MYO9A: variants seen among roughly 807,000 people sequenced by gnomAD.
The protein encoded by MYO9A is myosin IXA, also known as unconventional myosin-IXa.
Under a neutral mutation model 293.3 loss-of-function variants are expected in MYO9A, and 103 were observed. The observed-to-expected ratio is 0.35, with a 90% CI of 0.30 to 0.41. The LOEUF (loss-of-function observed/expected upper bound fraction) is 0.41, where lower values mean the gene tolerates loss of function less well. Ranked by LOEUF, MYO9A falls within the 10% of genes least tolerant of loss-of-function variation. MYO9A has a pLI of 1.00. For synonymous variants in MYO9A, 1,001 were observed against 1,035.7 expected (o/e 0.97, Z 0.64); for missense variants, 2,685 against 3,033.0 (o/e 0.89, Z 2.69).
At chr15:71,856,573 C>A (rs575492690) in intron 34 of MYO9A, among the ~76,000 whole-genome samples, 1 of 152,142 alleles carries the variant, frequency 6.6e-6, no homozygotes, top group African/African-American at 2.4e-5. Context: ...AAAGTGGCTA[C>A]GGAAATGAAG....
intron 4 of MYO9A, among the ~76,000 whole-genome samples, chr15:72,023,491 G>T (rs747803616): frequency 6.6e-6 from 1 of 151,936 alleles, no homozygotes; most frequent in Non-Finnish European, 1.5e-5. Context: ...TCAGGAGTTC[G>T]AGGCCAGCCT....
Position 71,878,245 on chromosome 15 carries a change from G to A in MYO9A, c.5740-14C>T. ...CCCATCATCCATCTATAAGCAATAA[G>A]AAAAGAAATGTATGGTTTTATAAAG... On this transcript the variant is annotated splice_polypyrimidine_tract_variant and intron_variant, in intron 30 of 41. Transcript: ENST00000356056. 1.3e-6 allele frequency: 2 copies of A among 1,490,642 alleles called. No homozygotes were observed. Among genetic ancestry groups the A allele is most frequent in the Non-Finnish European group, 1.8e-6 (2 of 1,117,294 alleles). 92.3% of individuals were successfully genotyped at this position (1,490,642 alleles called of 1,614,324 possible).
chr15:71,951,949 T>C (rs1385973030), intron 14 of MYO9A, 53 bp from the exon 15 acceptor site: 5 of 1,535,344 alleles, frequency 3.3e-6, no homozygotes, highest in East Asian at 4.5e-5. Context: ...GAAAAAGACA[T>C]TATATAAGCC....
chr15:72,016,898 C>G (rs1389431314), intron 6 of MYO9A, among the ~76,000 whole-genome samples: 1 of 149,562 alleles, frequency 6.7e-6, no homozygotes, highest in African/African-American at 2.5e-5. Flanking sequence ...TTTACATGCA[C>G]AACTTTAAGA....
chr15:71,924,245 ATTG>A (rs1000182120), intron 18 of MYO9A, among the ~76,000 whole-genome samples: 5 of 151,570 alleles, frequency 3.3e-5, no homozygotes, highest in African/African-American at 4.8e-5. Context: ...TATTATCATT[ATTG>A]TTATTATTTT....
At chr15:72,077,041 C>A (rs977909475) in intron 1 of MYO9A, among the ~76,000 whole-genome samples, 15 of 146,468 alleles carry the variant, frequency 1.0e-4, no homozygotes, top group Non-Finnish European at 2.0e-4. Flanking sequence ...AAAAAAAAAT[C>A]TCAACACAGA....
At chr15:72,007,711 T>C in intron 8 of MYO9A, 115 bp downstream of exon 8, 1 of 970,548 alleles carries the variant, frequency 1.0e-6, no homozygotes, top group Non-Finnish European at 1.4e-6. Context: ...AAATAGTGCC[T>C]AATAAAAGCA....
At chr15:71,858,021 G>A (rs1338330740) in intron 34 of MYO9A, among the ~76,000 whole-genome samples, 2 of 152,396 alleles carry the variant, frequency 1.3e-5, no homozygotes, top group African/African-American at 4.8e-5. Context: ...CATCATCACT[G>A]GCCATCAGAG....
upstream of MYO9A, chr15:72,118,226 A>C (rs1249887706): frequency 1.2e-5 from 4 of 337,662 alleles, no homozygotes; most frequent in Admixed American, 4.9e-5. Flanking sequence ...ACGCCACTGG[A>C]GAGTACAGCG....
chr15:72,073,365 C>T (rs1310813200), intron 1 of MYO9A, among the ~76,000 whole-genome samples: 1 of 152,176 alleles, frequency 6.6e-6, no homozygotes, highest in African/African-American at 2.4e-5. Flanking sequence ...GTCCATGGAA[C>T]ATCAAAAAAT....
At chr15:71,975,631 T>C (rs565388537) in intron 12 of MYO9A, among the ~76,000 whole-genome samples, 3 of 152,226 alleles carry the variant, frequency 2.0e-5, no homozygotes, top group African/African-American at 7.2e-5. Context: ...AAGGCAGGTC[T>C]CTAATCTGAT....
At chr15:71,866,597 GAAGAA>G (rs2056335259) in intron 32 of MYO9A, among the ~76,000 whole-genome samples, 1 of 151,774 alleles carries the variant, frequency 6.6e-6, no homozygotes, top group South Asian at 2.1e-4. Context: ...GACTTAATCA[GAAGAA>G]AAGATTCAAA....
chr15:71,984,313 C>A (rs1273285249), intron 11 of MYO9A, among the ~76,000 whole-genome samples: 1 of 152,186 alleles, frequency 6.6e-6, no homozygotes, highest in East Asian at 1.9e-4. Context: ...ATATTTTCAG[C>A]TTGGCAAGGA....
intron 13 of MYO9A, among the ~76,000 whole-genome samples, chr15:71,963,638 GAC>G (rs1255679595): frequency 6.6e-6 from 1 of 151,726 alleles, no homozygotes. Flanking sequence ...TTTTAGTAGA[GAC>G]AGGGTTTCTT....
chr15:71,886,302 T>C (rs1326948260), intron 27 of MYO9A, among the ~76,000 whole-genome samples: 1 of 152,040 alleles, frequency 6.6e-6, no homozygotes, highest in Non-Finnish European at 1.5e-5. Context: ...TGGTTGACTT[T>C]GCAGGGAGAG....
chr15:72,071,355 A>T (rs973719673), intron 1 of MYO9A, among the ~76,000 whole-genome samples: 6 of 152,252 alleles, frequency 3.9e-5, no homozygotes, highest in Non-Finnish European at 7.3e-5. Flanking sequence ...ATCATCTCAC[A>T]CCAGTCAGAA....
chr15:72,054,195 TAAGG>T (rs1205775569), intron 1 of MYO9A, among the ~76,000 whole-genome samples: 1 of 152,214 alleles, frequency 6.6e-6, no homozygotes, highest in Non-Finnish European at 1.5e-5. Flanking sequence ...AAACATCTCT[TAAGG>T]GTTTTTTTTA....
At chr15:71,933,489 C>G (rs1177983454) in intron 18 of MYO9A, among the ~76,000 whole-genome samples, 181 bp downstream of exon 18, 6 of 152,040 alleles carry the variant, frequency 3.9e-5, no homozygotes. Flanking sequence ...TTACCTGAAC[C>G]ATTAGGCTCA....
intron 27 of MYO9A, among the ~76,000 whole-genome samples, chr15:71,887,235 T>C (rs1043075959): frequency 6.6e-6 from 1 of 152,136 alleles, no homozygotes; most frequent in Non-Finnish European, 1.5e-5. Flanking sequence ...ATTTGGAGAC[T>C]TTCCCCAAAT....
Sources: allele counts gnomAD v4.1 joint callset (sites outside exome capture counted in the v4.1 genomes callset), GRCh38; gene constraint gnomAD v4.1.1; transcripts MANE v1.5; gene names NCBI Gene and HGNC (gene_info 2026-07-23, HGNC 2026-07-21).